DOCK10: variants seen among roughly 807,000 people sequenced by gnomAD.
The protein encoded by DOCK10 is dedicator of cytokinesis 10.
DOCK10 carries 145 observed loss-of-function variants against 280.1 expected under a neutral mutation model. The ratio of observed to expected loss-of-function variants is 0.52; its 90% CI spans 0.45 to 0.59. The LOEUF (loss-of-function observed/expected upper bound fraction) is 0.59. Ranked by LOEUF, DOCK10 falls within the 20% of genes least tolerant of loss-of-function variation. The pLI is 0.00. For synonymous variants in DOCK10, 915 were observed against 942.2 expected, an observed-to-expected ratio of 0.97 and a Z score of 0.53; for missense variants, 2,368 against 2,651.7, an observed-to-expected ratio of 0.89 and a Z score of 2.35.
chr2:224,863,452 C>T (rs1382172389), intron 13 of DOCK10, among the ~76,000 whole-genome samples: 1 of 151,886 alleles, frequency 6.6e-6, no homozygotes, highest in African/African-American at 2.4e-5. Flanking sequence ...TATTTCTTTT[C>T]TTTTCTTTTT....
chr2:224,835,868 A>G (rs911943807), intron 25 of DOCK10, among the ~76,000 whole-genome samples: 1 of 152,262 alleles, frequency 6.6e-6, no homozygotes, highest in African/African-American at 2.4e-5. Flanking sequence ...AAGCAAGCTA[A>G]GTAGATAATC....
chr2:225,027,727 G>A (rs564360998), intron 1 of DOCK10, among the ~76,000 whole-genome samples: 2 of 152,154 alleles, frequency 1.3e-5, no homozygotes, highest in Non-Finnish European at 2.9e-5. Flanking sequence ...CATGCTTCCT[G>A]TATAGCCTGT....
At position 224,773,310 on chromosome 2, in the gene DOCK10, T is replaced by C. The variant is rs762649322; in HGVS notation, c.6051A>G (p.Gln2017=). The change falls in exon 53 of 56, where the codon CAA becomes CAG. Residue 2017 remains glutamine (Q), a synonymous_variant. Transcript: ENST00000258390. ...HLFPYVKKRI[Q]VISQSSTELN... Reference sequence around the variant, plus strand: ...GTTCTGTGCTCGATTGGCTAATTACTTGTATTCTCTTCTTCACGTAGGGGA... The same window carrying C: ...GTTCTGTGCTCGATTGGCTAATTACCTGTATTCTCTTCTTCACGTAGGGGA... The C allele has an allele frequency of 2.5e-6, 4 of 1,613,576 alleles. No homozygotes were observed. Among genetic ancestry groups the C allele is most frequent in the Admixed American group, 1.7e-5 (1 of 60,020 alleles).
chr2:224,778,012 A>C (rs1690996439), intron 51 of DOCK10, 126 bp downstream of exon 51: 1 of 977,392 alleles, frequency 1.0e-6, no homozygotes, highest in Non-Finnish European at 1.5e-6. Flanking sequence ...CAAACAAGCA[A>C]AACATCTAAA....
chr2:224,929,745 GAGCA>G (rs1702224653), intron 2 of DOCK10, among the ~76,000 whole-genome samples: 2 of 152,166 alleles, frequency 1.3e-5, no homozygotes, highest in Non-Finnish European at 2.9e-5. Flanking sequence ...CAATTTAAAT[GAGCA>G]TGGGAAGATG....
chr2:224,952,596 T>A (rs372825241), intron 1 of DOCK10, among the ~76,000 whole-genome samples: 35,476 of 148,774 alleles, frequency 0.24, 4,557 homozygotes, highest in Non-Finnish European at 0.29. Context: ...TATGTTATTT[T>A]TTTTTTTTTT....
chr2:224,844,837 A>G lies in DOCK10; in HGVS notation c.2484T>C (p.His828=). 5 of 1,603,766 alleles carry G rather than the reference A, an allele frequency of 3.1e-6. No individual in the cohort carries two copies. The highest frequency in any genetic ancestry group is 4.3e-6 in the Non-Finnish European group (5 of 1,174,016). The change falls in exon 22 of 56, where the codon CAT becomes CAC. Residue 828 remains histidine, a splice_region_variant and synonymous_variant. Coordinates refer to ENST00000258390, the MANE Select transcript of DOCK10 (RefSeq NM_014689.3). ...LSFQDSASGK[H]GGSDIKWVDG... ...CAACCCATTTAATGTCACTCCCACC[A>G]TGCTGCAAAATAAAGTTTGTTTACT...
rs555020001 is a variant in DOCK10, at chr2:225,012,688, CATA to C, written c.123+29561_123+29563del. On this transcript the variant is annotated intron_variant, in intron 1 of 55. Coordinates refer to ENST00000258390, the MANE Select transcript of DOCK10 (RefSeq NM_014689.3). ...TTTATCTCATTTGATGCACATAACT[CATA>C]ATAATAATAATGGTTAACAATTATG... is the stretch of plus-strand genomic sequence containing the variant. Among the ~76,000 whole-genome samples, 243 of 152,190 alleles carry C rather than the reference CATA, an allele frequency of 1.6e-3. 1 individual carries two copies. Among genetic ancestry groups the C allele is most frequent in the African/African-American group, 5.5e-3 (230 of 41,532 alleles).
At chr2:225,040,695 A>G (rs999722409) in intron 1 of DOCK10, among the ~76,000 whole-genome samples, 22 of 152,174 alleles carry the variant, frequency 1.4e-4, no homozygotes, top group African/African-American at 4.8e-4. Flanking sequence ...CCTCAGTGAG[A>G]TTCAGTCCAA....
intron 1 of DOCK10, among the ~76,000 whole-genome samples, chr2:225,028,025 G>A (rs1689963788): frequency 6.6e-6 from 1 of 152,182 alleles, no homozygotes; most frequent in African/African-American, 2.4e-5. Context: ...ATCTTTTAAT[G>A]CACTTTCTGA....
rs750529822 is a variant in DOCK10 at position 224,807,827 on chromosome 2, C to T, written c.3586-43G>A. On this transcript the variant is annotated intron_variant, in intron 32 of 55. Transcript: ENST00000258390. Reference sequence around the variant, plus strand: ...CAAAAGAAATGATTCATGTAAAAATCAATAGGCTTGTCGGTTTCATATGCA... The same window carrying T: ...CAAAAGAAATGATTCATGTAAAAATTAATAGGCTTGTCGGTTTCATATGCA... The T allele has an allele frequency of 2.5e-6, 4 of 1,570,348 alleles. No homozygotes were observed. The Admixed American group carries it at 7.5e-5, about 29-fold the overall frequency.
At chr2:225,021,759 C>T (rs189523277) in intron 1 of DOCK10, among the ~76,000 whole-genome samples, 4 of 152,254 alleles carry the variant, frequency 2.6e-5, no homozygotes, top group East Asian at 3.9e-4. Context: ...TGTCTCTTCT[C>T]CAAGACATAA....
chr2:224,845,639 T>C lies in DOCK10; in HGVS notation c.2239A>G (p.Lys747Glu), dbSNP rs747818911. 1.1e-5 allele frequency: 17 copies of C among 1,608,834 alleles called. No homozygotes were observed. The highest frequency in any genetic ancestry group is 1.4e-5 in the Non-Finnish European group (17 of 1,178,364). ...TGGAGTTGTGTTGGTAGCTCAATTT[T>C]CACCTGCAACGAAAGAAACCATAGT... Reference protein sequence around the residue: ...SQNPDFSDEVKIELPTQLHEK... With the variant: ...SQNPDFSDEVEIELPTQLHEK... Residue 747 changes from lysine (K) to glutamate (E), a missense_variant, in exon 20 of 56, where the codon AAA (lysine) becomes GAA (glutamate). Around this residue, in one of 2 missense-constraint regions of DOCK10, gnomAD observed 1,209 missense variants for 1,250.9 expected, o/e 0.97. Coordinates refer to ENST00000258390, the MANE Select transcript of DOCK10 (RefSeq NM_014689.3).
intron 25 of DOCK10, among the ~76,000 whole-genome samples, chr2:224,835,825 C>T (rs1454840246): frequency 1.3e-5 from 2 of 152,118 alleles, no homozygotes; most frequent in South Asian, 2.1e-4. Flanking sequence ...CCTAAAATTC[C>T]ACATAGGTGT....
intron 29 of DOCK10, among the ~76,000 whole-genome samples, chr2:224,818,581 G>T (rs1694304824): frequency 6.6e-6 from 1 of 151,994 alleles, no homozygotes; most frequent in African/African-American, 2.4e-5. Context: ...TGTATTTTTA[G>T]TAGAGACAGG....
intron 1 of DOCK10, among the ~76,000 whole-genome samples, chr2:225,040,513 CGTGTGT>C (rs34574873): frequency 0.014 from 2,134 of 147,422 alleles, 18 homozygotes; most frequent in East Asian, 0.032. Context: ...GAAAGCAGTG[CGTGTGT>C]GTGTGTGTGT....
chr2:224,996,135 C>T (rs1706267563), intron 1 of DOCK10, among the ~76,000 whole-genome samples: 1 of 152,242 alleles, frequency 6.6e-6, no homozygotes, highest in South Asian at 2.1e-4. Context: ...TCGTTTCTCT[C>T]CTCTTCATCA....
Position 224,773,339 on chromosome 2 carries a change from G to A in DOCK10, c.6022C>T (p.Leu2008=). 1 of 1,610,322 alleles carries A rather than the reference G, an allele frequency of 6.2e-7. No individual in the cohort carries two copies. The highest frequency in any genetic ancestry group is 8.5e-7 in the Non-Finnish European group (1 of 1,178,276). Residue 2008 remains leucine, a synonymous_variant, in exon 53 of 56, where the codon CTG becomes TTG. Coordinates refer to ENST00000258390, the MANE Select transcript of DOCK10 (RefSeq NM_014689.3). ...ATTCTCTTCTTCACGTAGGGGAACA[G>A]GTGACTCGCTGTACAAAAGCCATAC... The part of the protein sequence containing the change: ...KRRTILTTSH[L]FPYVKKRIQV...
intron 1 of DOCK10, among the ~76,000 whole-genome samples, chr2:225,029,037 G>A (rs985063489): frequency 2.6e-5 from 4 of 152,144 alleles, no homozygotes; most frequent in South Asian, 2.1e-4. Flanking sequence ...ATGAAATTAC[G>A]TGTATTACAG....
Sources: allele counts gnomAD v4.1 joint callset (sites outside exome capture counted in the v4.1 genomes callset), GRCh38; gene constraint gnomAD v4.1.1; regional missense constraint gnomAD v4.1.1; transcripts MANE v1.5; gene names NCBI Gene and HGNC (gene_info 2026-07-23, HGNC 2026-07-21).